ITPKB: variants seen among roughly 807,000 people sequenced by gnomAD.
The protein encoded by ITPKB is inositol-trisphosphate 3-kinase B.
ITPKB carries 13 observed loss-of-function variants against 69.4 expected under a neutral mutation model. The observed-to-expected ratio is 0.19, with a 90% CI of 0.12 to 0.30. The LOEUF (loss-of-function observed/expected upper bound fraction) is 0.30, where lower values mean the gene tolerates loss of function less well. Ranked by LOEUF, ITPKB falls within the 10% of genes least tolerant of loss-of-function variation. The pLI, the probability that ITPKB is intolerant of heterozygous loss-of-function variation, is 1.00. For missense variants in ITPKB, 1,240 were observed against 1,250.5 expected (o/e 0.99, Z 0.13); for synonymous variants, 584 against 513.7 (o/e 1.14, Z -1.85).
Position 226,639,599 on chromosome 1 carries a change from G to C in ITPKB, c.2511C>G (p.Thr837=). The C allele has an allele frequency of 6.2e-7, 1 of 1,613,930 alleles. No individual in the cohort carries two copies. The highest frequency in any genetic ancestry group is 8.5e-7 in the Non-Finnish European group (1 of 1,179,820). The change falls in exon 6 of 8, where the codon ACC becomes ACG. Residue 837 remains threonine, a synonymous_variant. Transcript: ENST00000429204. ...CTTTAGTGAACTCTCTGAAGGCCTC[G>C]GTGACCTGCTCCCTCGTTTTGGTCT... The part of the protein sequence containing the change: ...FKKTKTREQV[T]EAFREFTKGN...
At chr1:226,725,183 A>G (rs536487182) in intron 2 of ITPKB, among the ~76,000 whole-genome samples, 3 of 152,234 alleles carry the variant, frequency 2.0e-5, no homozygotes, top group South Asian at 4.1e-4. Context: ...AATTTCCAAT[A>G]TGTCTATTGG....
In ITPKB at chr1:226,631,830, G is replaced by GTCCT. The variant is rs1473307229; in HGVS notation, c.*2840_*2841insAGGA. 1.3e-5 allele frequency: 2 copies of GTCCT among 152,460 alleles called. No homozygotes were observed. The highest frequency in any genetic ancestry group is 1.3e-4 in the Admixed American group (2 of 15,276). 9.4% of individuals were successfully genotyped at this position (152,460 alleles called of 1,614,324 possible). A position where few individuals can be genotyped will look rare whatever the true frequency, so the allele number is the denominator to read the frequency against. ...AGAGAGCCTCTCGGCAGGCGGGGGG[G>GTCCT]GTCCTCTCCTCCAGAACAAAAGGCA... On this transcript the variant is annotated 3_prime_UTR_variant, in exon 8 of 8. Transcript: ENST00000429204.
rs1483093998 is a variant in ITPKB at position 226,738,066 on chromosome 1, G to A, written c.-205-403C>T. On this transcript the variant is annotated intron_variant, in intron 1 of 7. Transcript: ENST00000429204. This position sits in a 1 kb window ranked among gnomAD's most constrained non-coding sequence, Gnocchi z 4.2. ...CACCGTCTCCGGGTCTCCCCAGCCT[G>A]AGCAAACATTGGCTATCCAGGGCAA... Among the ~76,000 whole-genome samples, 4 of 152,150 alleles carry A rather than the reference G, an allele frequency of 2.6e-5. No individual in the cohort carries two copies. The South Asian group carries it at 6.2e-4, about 24-fold the overall frequency.
At chr1:226,647,738 C>T (rs570005562) in intron 3 of ITPKB, among the ~76,000 whole-genome samples, 3 of 152,382 alleles carry the variant, frequency 2.0e-5, no homozygotes, top group African/African-American at 4.8e-5. Context: ...TTCTCGGCAA[C>T]GAAGGTGTCT....
Position 226,642,697 on chromosome 1 carries a change from G to A in ITPKB, c.2247-572C>T, listed in dbSNP as rs1668985849. On this transcript the variant is annotated intron_variant, in intron 4 of 7. Coordinates refer to ENST00000429204, the MANE Select transcript of ITPKB (RefSeq NM_002221.4). This position sits in a 1 kb window ranked among gnomAD's most constrained non-coding sequence, Gnocchi z 6.4. ...GTGGAGCTAAGAGAGGGGACTGGGG[G>A]CAGGGTCTACTCAGGGCCCCACTAG... 6.6e-6 allele frequency among the ~76,000 whole-genome samples: 1 copy of A among 152,048 alleles called. No individual in the cohort carries two copies.
chr1:226,701,818 G>T (rs931205440), intron 2 of ITPKB, among the ~76,000 whole-genome samples: 1 of 152,068 alleles, frequency 6.6e-6, no homozygotes, highest in Non-Finnish European at 1.5e-5. Context: ...ACCCAGTTGT[G>T]ACTGCAGATG....
chr1:226,658,784 T>C (rs934567399), intron 2 of ITPKB, among the ~76,000 whole-genome samples: 1 of 152,136 alleles, frequency 6.6e-6, no homozygotes, highest in Non-Finnish European at 1.5e-5. Context: ...TACTGAGCGC[T>C]GTCGGGTTGG....
intron 2 of ITPKB, among the ~76,000 whole-genome samples, chr1:226,711,424 A>G (rs1034768834): frequency 1.1e-4 from 14 of 123,424 alleles, no homozygotes; most frequent in African/African-American, 4.2e-4. Context: ...AGAGAGAGAG[A>G]GAGAGAGAGA....
intron 2 of ITPKB, among the ~76,000 whole-genome samples, chr1:226,716,329 C>CAGAGAT (rs1271836828): frequency 6.6e-6 from 1 of 152,192 alleles, no homozygotes; most frequent in Non-Finnish European, 1.5e-5. Context: ...TCTTCCCATA[C>CAGAGAT]TCTAAAAAGA....
chr1:226,735,434 C>G, intron 2 of ITPKB, 93 bp downstream of exon 2: 1 of 1,347,268 alleles, frequency 7.4e-7, no homozygotes, highest in Non-Finnish European at 9.7e-7. Flanking sequence ...GTTTTCATGA[C>G]TGTGTAGAAA....
Position 226,666,491 on chromosome 1 carries a change from TG to T in ITPKB, c.1933-17721del, listed in dbSNP as rs568706855. On this transcript the variant is annotated intron_variant, in intron 2 of 7. Coordinates refer to ENST00000429204, the MANE Select transcript of ITPKB (RefSeq NM_002221.4). Reference sequence around the variant, plus strand: ...TGTGCAGCGTCATGCCCCAGCACACTGACCCCACAGATCTAATGGGACCATG... The same window carrying T: ...TGTGCAGCGTCATGCCCCAGCACACTACCCCACAGATCTAATGGGACCATG... Among the ~76,000 whole-genome samples the T allele has an allele frequency of 1.4e-4, 21 of 152,318 alleles. No homozygotes were observed. The East Asian group carries it at 3.9e-3, about 28-fold the overall frequency.
intron 2 of ITPKB, among the ~76,000 whole-genome samples, chr1:226,686,254 G>T (rs1656214341): frequency 1.3e-5 from 2 of 152,182 alleles, no homozygotes; most frequent in African/African-American, 4.8e-5. Flanking sequence ...TGAGGCTCTG[G>T]CTGGCTGAAG....
chr1:226,736,076 C>G lies in ITPKB; in HGVS notation c.1383G>C (p.Pro461=). The G allele has an allele frequency of 1.2e-6, 2 of 1,612,402 alleles. No homozygotes were observed. The highest frequency in any genetic ancestry group is 1.7e-6 in the Non-Finnish European group (2 of 1,179,520). Reference sequence around the variant, plus strand: ...TTCCCGCCTCCACATTCCCGGTCCCCGGCTGTGCTGAGGGGCTGCCCCCAA... The same window carrying G: ...TTCCCGCCTCCACATTCCCGGTCCCGGGCTGTGCTGAGGGGCTGCCCCCAA... ...GLLGGSPSAQ[P]GTGNVEAGIP... The change falls in exon 2 of 8, where the codon CCG becomes CCC. Residue 461 remains proline, a synonymous_variant. Coordinates refer to ENST00000429204, the MANE Select transcript of ITPKB (RefSeq NM_002221.4).
intron 6 of ITPKB, among the ~76,000 whole-genome samples, chr1:226,638,640 G>A (rs1668888080): frequency 1.3e-5 from 2 of 152,114 alleles, no homozygotes; most frequent in South Asian, 2.1e-4. Context: ...CAGTCTGCGA[G>A]CCGCTGCAGC....
chr1:226,649,636 G>A (rs942502694), intron 2 of ITPKB, among the ~76,000 whole-genome samples: 1 of 152,248 alleles, frequency 6.6e-6, no homozygotes, highest in African/African-American at 2.4e-5. Context: ...CCTTTGGGCA[G>A]AAAGGAGAAC....
At chr1:226,635,839 C>A (rs960049714) in intron 7 of ITPKB, among the ~76,000 whole-genome samples, 1 of 152,238 alleles carries the variant, frequency 6.6e-6, no homozygotes, top group African/African-American at 2.4e-5. Flanking sequence ...TGCATGGGAG[C>A]GAGGCGCTTT....
At chr1:226,646,485 G>C (rs1052736100) in intron 4 of ITPKB, among the ~76,000 whole-genome samples, 1 of 152,036 alleles carries the variant, frequency 6.6e-6, no homozygotes, top group Non-Finnish European at 1.5e-5. Context: ...CTCTTCCCTG[G>C]AGTCCTCTCC....
At chr1:226,665,099 C>T (rs902393139) in intron 2 of ITPKB, among the ~76,000 whole-genome samples, 1 of 152,190 alleles carries the variant, frequency 6.6e-6, no homozygotes, top group African/African-American at 2.4e-5. Flanking sequence ...AATCAGATTC[C>T]ACACAAAAAT....
rs1668964802 is a variant in ITPKB at position 226,641,673 on chromosome 1, T to A, written c.2451+248A>T. ...GGCACCGTCTGGGCTAAATGGAGAG[T>A]CCTCGGCAGAGGGCTGACAGCTGGG... On this transcript the variant is annotated intron_variant, in intron 5 of 7. Transcript: ENST00000429204. This position sits in a 1 kb window ranked among gnomAD's most constrained non-coding sequence, Gnocchi z 4.6. Among the ~76,000 whole-genome samples the A allele has an allele frequency of 6.6e-6, 1 of 152,094 alleles. No homozygotes were observed. The highest frequency in any genetic ancestry group is 6.5e-5 in the Admixed American group (1 of 15,280).
Sources: allele counts gnomAD v4.1 joint callset (sites outside exome capture counted in the v4.1 genomes callset), GRCh38; gene constraint gnomAD v4.1.1; non-coding constraint Gnocchi (gnomAD v3.1); transcripts MANE v1.5; gene names NCBI Gene and HGNC (gene_info 2026-07-23, HGNC 2026-07-21).